PRLR: variants seen among roughly 807,000 people sequenced by gnomAD.
PRLR encodes the protein hPRL receptor.
Under a neutral mutation model 40.2 loss-of-function variants are expected in PRLR, and 13 were observed. That is an observed-to-expected ratio of 0.32 (90% CI 0.21 to 0.51). The LOEUF (loss-of-function observed/expected upper bound fraction) is 0.51, where lower values mean the gene tolerates loss of function less well. Ranked by LOEUF, PRLR falls within the 20% of genes least tolerant of loss-of-function variation. PRLR has a pLI of 0.97. For missense variants in PRLR, 656 were observed against 747.3 expected (o/e 0.88, Z 1.42); for synonymous variants, 269 against 278.7 (o/e 0.97, Z 0.35).
chr5:35,106,199 C>G (rs1772236682), intron 2 of PRLR, among the ~76,000 whole-genome samples: 1 of 152,148 alleles, frequency 6.6e-6, no homozygotes, highest in Non-Finnish European at 1.5e-5. Flanking sequence ...CACCACCAGG[C>G]CTGCCTTACA....
chr5:35,051,369 A>G (rs1768490873), downstream of PRLR, among the ~76,000 whole-genome samples: 1 of 152,216 alleles, frequency 6.6e-6, no homozygotes, highest in Admixed American at 6.5e-5. Context: ...ATACAACTCA[A>G]TCTCTTTTTG....
intron 2 of PRLR, among the ~76,000 whole-genome samples, chr5:35,104,699 G>A (rs1217962641): frequency 1.3e-5 from 2 of 152,150 alleles, no homozygotes; most frequent in Non-Finnish European, 2.9e-5. Flanking sequence ...GCTGAGGCTT[G>A]ACTAGGTAAA....
chr5:35,053,482 G>T (rs938633976), downstream of PRLR, among the ~76,000 whole-genome samples: 2 of 152,080 alleles, frequency 1.3e-5, no homozygotes, highest in African/African-American at 4.8e-5. Flanking sequence ...GCAAAACCTC[G>T]TCTCTACTAA....
chr5:35,201,147 A>G (rs556534649), intron 1 of PRLR, among the ~76,000 whole-genome samples: 2 of 152,212 alleles, frequency 1.3e-5, no homozygotes, highest in Non-Finnish European at 2.9e-5. Flanking sequence ...AAAATTATGA[A>G]GATTAGAAGC....
At chr5:35,213,756 G>T (rs1329890200) in intron 1 of PRLR, among the ~76,000 whole-genome samples, 3 of 152,182 alleles carry the variant, frequency 2.0e-5, no homozygotes, top group African/African-American at 7.2e-5. Context: ...AAGAAGCCAG[G>T]CATCTTGCTT....
chr5:35,207,945 G>T (rs1202361005), intron 1 of PRLR, among the ~76,000 whole-genome samples: 2 of 152,060 alleles, frequency 1.3e-5, no homozygotes, highest in Non-Finnish European at 2.9e-5. Context: ...GTTGGCCCAA[G>T]AATTGATATA....
intron 1 of PRLR, among the ~76,000 whole-genome samples, chr5:35,121,007 T>C (rs1773271626): frequency 6.6e-6 from 1 of 152,228 alleles, no homozygotes; most frequent in Non-Finnish European, 1.5e-5. Context: ...GGATCTGGCC[T>C]GCAGGCATTA....
intron 6 of PRLR, among the ~76,000 whole-genome samples, chr5:35,071,733 G>A (rs1769754403): frequency 6.6e-6 from 1 of 152,146 alleles, no homozygotes; most frequent in East Asian, 1.9e-4. Context: ...GAGTAGCTGG[G>A]ATCACAGGCA....
intron 5 of PRLR, among the ~76,000 whole-genome samples, chr5:35,082,228 T>C (rs1180668396): frequency 1.3e-5 from 2 of 152,252 alleles, no homozygotes; most frequent in African/African-American, 4.8e-5. Flanking sequence ...TCTAAGCTAA[T>C]ATGTTACTGA....
chr5:35,080,881 G>A (rs1770466746), intron 5 of PRLR, among the ~76,000 whole-genome samples: 1 of 152,054 alleles, frequency 6.6e-6, no homozygotes. Flanking sequence ...ATGAGTTCAT[G>A]TCTTCGTAGG....
At chr5:35,225,196 G>C (rs1776519178) in intron 1 of PRLR, among the ~76,000 whole-genome samples, 1 of 152,284 alleles carries the variant, frequency 6.6e-6, no homozygotes, top group East Asian at 1.9e-4. Context: ...CCCTTTCATT[G>C]TAGGACGTTT....
intron 1 of PRLR, among the ~76,000 whole-genome samples, chr5:35,212,325 T>G (rs1776190366): frequency 6.6e-6 from 1 of 152,240 alleles, no homozygotes; most frequent in Admixed American, 6.5e-5. Flanking sequence ...TTTGGTTATA[T>G]TTAGCTGTTT....
intron 1 of PRLR, chr5:35,152,887 T>C (rs1015956824): frequency 6.6e-6 from 1 of 152,222 alleles, no homozygotes; most frequent in Non-Finnish European, 1.5e-5. Flanking sequence ...TAAAGGCCTC[T>C]GCACTGGGGT....
chr5:35,113,450 T>TATCCATCC (rs375477215), intron 2 of PRLR, among the ~76,000 whole-genome samples: 14 of 105,396 alleles, frequency 1.3e-4, no homozygotes, highest in South Asian at 3.5e-4. Flanking sequence ...CCCACCCACC[T>TATCCATCC]ATCCATCCAT....
In PRLR at chr5:35,072,613, C is replaced by A; in HGVS notation, c.505G>T (p.Glu169Ter). The change falls in exon 6 of 10, where the codon GAA (glutamate) becomes TAA (stop). Residue 169 changes from glutamate (E) to a stop codon, truncating the protein, a stop_gained. Coordinates refer to ENST00000618457, the MANE Select transcript of PRLR (RefSeq NM_000949.7). LOFTEE classifies it high-confidence loss of function. ...LKTGWFTLLYEIRLKPEKAAE... is the reference protein window; with the variant it reads ...LKTGWFTLLY ...GCTTTCTCGGGTTTTAATCGAATTTCATACAGGAGCGTGAACCAACCAGTT... is the reference window on the plus strand; with the variant it reads ...GCTTTCTCGGGTTTTAATCGAATTTAATACAGGAGCGTGAACCAACCAGTT... 1 of 1,614,072 alleles carries A rather than the reference C, an allele frequency of 6.2e-7. No homozygotes were observed. The highest frequency in any genetic ancestry group is 8.5e-7 in the Non-Finnish European group (1 of 1,179,974).
chr5:35,085,708 T>C (rs1174625825), intron 4 of PRLR, among the ~76,000 whole-genome samples: 1 of 152,228 alleles, frequency 6.6e-6, no homozygotes, highest in East Asian at 1.9e-4. Flanking sequence ...AAAAGTGACA[T>C]GTTTAGTTAA....
intron 1 of PRLR, among the ~76,000 whole-genome samples, chr5:35,224,008 C>T (rs1776487493): frequency 6.6e-6 from 1 of 152,146 alleles, no homozygotes; most frequent in Admixed American, 6.5e-5. Flanking sequence ...TCCAGATGGC[C>T]TGGGATGTCG....
chr5:35,199,806 A>G (rs1775831990), intron 1 of PRLR, among the ~76,000 whole-genome samples: 1 of 152,204 alleles, frequency 6.6e-6, no homozygotes, highest in African/African-American at 2.4e-5. Flanking sequence ...ATAGATTCCA[A>G]ATTTGCACCC....
intron 1 of PRLR, among the ~76,000 whole-genome samples, chr5:35,151,474 A>G (rs1774339220): frequency 6.6e-6 from 1 of 152,096 alleles, no homozygotes; most frequent in Non-Finnish European, 1.5e-5. Context: ...CTTGCATACA[A>G]CTTCTGTGTG....
Sources: allele counts gnomAD v4.1 joint callset (sites outside exome capture counted in the v4.1 genomes callset), GRCh38; gene constraint gnomAD v4.1.1; transcripts MANE v1.5; gene names NCBI Gene and HGNC (gene_info 2026-07-23, HGNC 2026-07-21).